Variants in CIT observed in about 807,000 individuals in gnomAD.
The protein encoded by CIT is citron rho-interacting serine/threonine kinase.
CIT carries 79 observed loss-of-function variants against 272.7 expected under a neutral mutation model. That is an observed-to-expected ratio of 0.29 (90% CI 0.24 to 0.35). The LOEUF (loss-of-function observed/expected upper bound fraction) is 0.35. Among genes scored for constraint, CIT ranks in the 10% least tolerant of loss-of-function variants. CIT has a pLI of 1.00. For missense variants in CIT, 1,909 were observed against 2,618.3 expected (o/e 0.73, Z 5.91); for synonymous variants, 948 against 995.6 (o/e 0.95, Z 0.90).
In CIT at chr12:119,718,326, G is replaced by T; in HGVS notation, c.4087C>A (p.Arg1363=). 6.2e-7 allele frequency: 1 copy of T among 1,614,044 alleles called. No homozygotes were observed. The highest frequency in any genetic ancestry group is 8.5e-7 in the Non-Finnish European group (1 of 1,179,992). The part of the protein sequence containing the change: ...RQQIAMSAIV[R]SPEHQPSAMS... Reference sequence around the variant, plus strand: ...GCACTGGGCTGGTGCTCTGGCGACCGCACGATGGCGGACATGGCGATCTGC... The same window carrying T: ...GCACTGGGCTGGTGCTCTGGCGACCTCACGATGGCGGACATGGCGATCTGC... Residue 1363 remains arginine (R), a synonymous_variant, in exon 32 of 48, where the codon CGG becomes AGG. Transcript: ENST00000392521. This position sits in a 1 kb window ranked among gnomAD's most constrained non-coding sequence, Gnocchi z 4.8.
At position 119,852,230 on chromosome 12, in the gene CIT, C is replaced by T. The variant is rs377019723; in HGVS notation, c.415-1955G>A. Reference sequence around the variant, plus strand: ...GAGATATTCCGGCCAAAGACCAAGACCCTAAATCTAAACATAAGCAACATC... The same window carrying T: ...GAGATATTCCGGCCAAAGACCAAGATCCTAAATCTAAACATAAGCAACATC... On this transcript the variant is annotated intron_variant, in intron 4 of 47. Transcript: ENST00000392521. 8.5e-4 allele frequency among the ~76,000 whole-genome samples: 129 copies of T among 152,158 alleles called. 2 individuals are homozygous for T. In the South Asian group the frequency reaches 0.026, roughly 31 times the overall value.
At position 119,778,642 on chromosome 12, in the gene CIT, G is replaced by A. The variant is rs758816502; in HGVS notation, c.1666-1800C>T. 7.7e-4 allele frequency among the ~76,000 whole-genome samples: 115 copies of A among 149,234 alleles called. 1 individual carries two copies. The highest frequency in any genetic ancestry group is 2.4e-4 in the Non-Finnish European group (16 of 67,194). On this transcript the variant is annotated intron_variant, in intron 13 of 47. Transcript: ENST00000392521. ...CTTTTATCCCATTGTAGCAGGTGAC[G>A]CCCCCCCCCCAGAGCATATTAAAGG...
Position 119,690,193 on chromosome 12 carries a change from C to A in CIT, c.6144G>T (p.Leu2048=). 1 of 1,492,006 alleles carries A rather than the reference C, an allele frequency of 6.7e-7. No homozygotes were observed. Among genetic ancestry groups the A allele is most frequent in the African/African-American group, 1.4e-5 (1 of 69,518 alleles). 92.4% of individuals were successfully genotyped at this position (1,492,006 alleles called of 1,614,324 possible). ...RLFEDSSRGR[L]PAGAVRTPLS... is the part of the protein sequence containing the mutation. ...GCGGGGTCCTCACGGCTCCCGCAGGCAGCCGGCCCCTGCTGCTGTCTTCAA... is the reference window on the plus strand; with the variant it reads ...GCGGGGTCCTCACGGCTCCCGCAGGAAGCCGGCCCCTGCTGCTGTCTTCAA... The change falls in exon 47 of 48, where the codon CTG becomes CTT. Residue 2048 remains leucine (L), a synonymous_variant. Coordinates refer to ENST00000392521, the MANE Select transcript of CIT (RefSeq NM_001206999.2). The surrounding 1 kb of genome is among the most constrained non-coding windows in gnomAD (Gnocchi z 6.0).
At position 119,834,166 on chromosome 12, in the gene CIT, T is replaced by C; in HGVS notation, c.579A>G (p.Leu193=). 1 of 1,614,064 alleles carries C rather than the reference T, an allele frequency of 6.2e-7. No homozygotes were observed. Among genetic ancestry groups the C allele is most frequent in the Non-Finnish European group, 8.5e-7 (1 of 1,179,928 alleles). The change falls in exon 6 of 48, where the codon TTA becomes TTG. Residue 193 remains leucine, a synonymous_variant. Transcript: ENST00000392521. The stretch of plus-strand genomic sequence containing the variant: ...GGTAAAACTGTATCAGGTTTTCATC[T>C]AACTGGTCCTCATATCTATTCAAAA... ...LSLLNRYEDQ[L]DENLIQFYLA...
intron 32 of CIT, among the ~76,000 whole-genome samples, chr12:119,716,699 CA>C (rs1418692742): frequency 2.0e-5 from 3 of 152,154 alleles, no homozygotes; most frequent in Non-Finnish European, 4.4e-5. Context: ...AACATTGGCA[CA>C]AACTACCAGC....
intron 1 of CIT, among the ~76,000 whole-genome samples, chr12:119,876,621 A>AT (rs1950855943): frequency 6.6e-6 from 1 of 152,172 alleles, no homozygotes; most frequent in African/African-American, 2.4e-5. Flanking sequence ...AGATGGTGCA[A>AT]TTTTTAGTGT....
At chr12:119,812,664 G>C (rs1343632209) in intron 9 of CIT, among the ~76,000 whole-genome samples, 3 of 151,604 alleles carry the variant, frequency 2.0e-5, no homozygotes, top group Non-Finnish European at 2.9e-5. Flanking sequence ...GCCCAGGCTA[G>C]TCTCAAACTC....
At chr12:119,828,485 T>C (rs1593885422) in intron 7 of CIT, among the ~76,000 whole-genome samples, 1 of 152,120 alleles carries the variant, frequency 6.6e-6, no homozygotes, top group Non-Finnish European at 1.5e-5. Flanking sequence ...CTCGGTGAGA[T>C]ATTAAAAGTG....
chr12:119,729,064 G>T (rs1303596375), intron 27 of CIT, among the ~76,000 whole-genome samples: 14 of 152,116 alleles, frequency 9.2e-5, no homozygotes, highest in Non-Finnish European at 1.6e-4. Flanking sequence ...AGAAAGGCTT[G>T]GGAAAGAAAT....
At position 119,784,723 on chromosome 12, in the gene CIT, G is replaced by A. The variant is rs1390371564; in HGVS notation, c.1401+237C>T. The A allele has an allele frequency of 8.8e-6, 12 of 1,366,848 alleles. No homozygotes were observed. The highest frequency in any genetic ancestry group is 8.4e-5 in the East Asian group (3 of 35,596). 84.7% of individuals were successfully genotyped at this position (1,366,848 alleles called of 1,614,324 possible). On this transcript the variant is annotated intron_variant, in intron 11 of 47. Coordinates refer to ENST00000392521, the MANE Select transcript of CIT (RefSeq NM_001206999.2). This position sits in a 1 kb window ranked among gnomAD's most constrained non-coding sequence, Gnocchi z 4.7. ...ATCTGGCTGGGTCATGCTGAGAAAC[G>A]GACTGTTTAAATCCAGGGCCTCCTC...
intron 5 of CIT, among the ~76,000 whole-genome samples, chr12:119,845,064 G>T (rs1593933602): frequency 6.6e-6 from 1 of 152,110 alleles, no homozygotes; most frequent in East Asian, 1.9e-4. Context: ...AGGTTGCACT[G>T]AGCCGAGATT....
At chr12:119,832,198 T>C (rs1432674031) in intron 7 of CIT, among the ~76,000 whole-genome samples, 4 of 152,222 alleles carry the variant, frequency 2.6e-5, no homozygotes, top group Non-Finnish European at 5.9e-5. Context: ...TAATCTTTTT[T>C]TACTTTGTCA....
At chr12:119,799,841 G>T (rs1394581731) in intron 10 of CIT, among the ~76,000 whole-genome samples, 1 of 146,504 alleles carries the variant, frequency 6.8e-6, no homozygotes, top group Admixed American at 6.8e-5. Flanking sequence ...AACTTTATGA[G>T]TTTTTTTTTT....
intron 47 of CIT, among the ~76,000 whole-genome samples, chr12:119,689,785 C>T (rs1423423912): frequency 6.8e-6 from 1 of 147,380 alleles, no homozygotes; most frequent in African/African-American, 2.5e-5. Flanking sequence ...TCACGCCATT[C>T]TCCCGCCTCA....
Position 119,804,687 on chromosome 12 carries a change from G to A in CIT, c.1112-1298C>T, listed in dbSNP as rs1016083755. ...AATCTGGCTGTTTCCAAAGTTCCCC[G>A]ATGACAACAACATCCAAGTGGCGCT... On this transcript the variant is annotated intron_variant, in intron 9 of 47. Transcript: ENST00000392521. This position sits in a 1 kb window ranked among gnomAD's most constrained non-coding sequence, Gnocchi z 5.3. Among the ~76,000 whole-genome samples, 1 of 152,178 alleles carries A rather than the reference G, an allele frequency of 6.6e-6. No homozygotes were observed. Among genetic ancestry groups the A allele is most frequent in the Non-Finnish European group, 1.5e-5 (1 of 68,034 alleles).
At chr12:119,854,031 AT>A (rs112692831) in intron 4 of CIT, among the ~76,000 whole-genome samples, 625 of 145,698 alleles carry the variant, frequency 4.3e-3, no homozygotes, top group African/African-American at 0.012. Flanking sequence ...TACATAATTT[AT>A]TTTTTTTTTT....
At position 119,701,660 on chromosome 12, in the gene CIT, C is replaced by A. The variant is rs149158991; in HGVS notation, c.5506G>T (p.Ala1836Ser). The A allele has an allele frequency of 1.9e-6, 3 of 1,614,188 alleles. No individual in the cohort carries two copies. The highest frequency in any genetic ancestry group is 2.2e-5 in the East Asian group (1 of 44,874). ...FPVSIVQVNS[A>S]GQREEYLLCF... ...AGCAAGTACTCCTCTCGCTGCCCTG[C>A]GCTGTTCACCTGCACGATTGAGACA... Residue 1836 changes from alanine (A) to serine (S), a missense_variant, in exon 43 of 48, where the codon GCA becomes TCA. Ala to Ser is a moderately conservative substitution (Grantham distance 99). This residue lies in a region of CIT where 780 missense variants were observed against 1,067.2 expected (regional missense o/e 0.73). Coordinates refer to ENST00000392521, the MANE Select transcript of CIT (RefSeq NM_001206999.2).
chr12:119,717,714 C>T (rs1957585170), intron 32 of CIT, among the ~76,000 whole-genome samples: 1 of 152,008 alleles, frequency 6.6e-6, no homozygotes, highest in Admixed American at 6.6e-5. Context: ...AGCCACCATG[C>T]CCAGCCTATT....
chr12:119,731,514 G>T (rs1206915355), intron 26 of CIT, among the ~76,000 whole-genome samples: 4 of 149,296 alleles, frequency 2.7e-5, no homozygotes, highest in Non-Finnish European at 5.9e-5. Context: ...AGTGAAACTT[G>T]AATCTGATGA....
Sources: allele counts gnomAD v4.1 joint callset (sites outside exome capture counted in the v4.1 genomes callset), GRCh38; gene constraint gnomAD v4.1.1; regional missense constraint gnomAD v4.1.1; non-coding constraint Gnocchi (gnomAD v3.1); transcripts MANE v1.5; gene names NCBI Gene and HGNC (gene_info 2026-07-23, HGNC 2026-07-21).